CIB4: variants seen among roughly 807,000 people sequenced by gnomAD.
The protein encoded by CIB4 is calcium and integrin-binding family member 4.
A neutral mutation model predicts 25.8 loss-of-function variants in CIB4; 25 were observed. That is an observed-to-expected ratio of 0.97 (90% CI 0.71 to 1.35). The LOEUF is 1.35. Among genes scored for constraint, CIB4 ranks in the 40% most tolerant of loss-of-function variants. The probability of loss-of-function intolerance (pLI) is 0.00; values close to 1 mark genes in which losing one functional copy is unlikely to be tolerated. For missense variants in CIB4, 235 were observed against 228.2 expected (o/e 1.03, Z -0.19); for synonymous variants, 75 against 81.4 (o/e 0.92, Z 0.42).
intron 2 of CIB4, among the ~76,000 whole-genome samples, chr2:26,633,469 C>A (rs540619540): frequency 6.6e-6 from 1 of 152,086 alleles, no homozygotes; most frequent in Non-Finnish European, 1.5e-5. Flanking sequence ...CCCTAAAGGG[C>A]CCACCCTTCT....
intron 3 of CIB4, among the ~76,000 whole-genome samples, chr2:26,604,002 T>TAA (rs1213333682): frequency 2.9e-4 from 30 of 103,242 alleles, no homozygotes; most frequent in African/African-American, 9.7e-4. Flanking sequence ...GAGCATACCT[T>TAA]AAAAAAAAAA....
intron 3 of CIB4, among the ~76,000 whole-genome samples, chr2:26,617,996 AG>A (rs1669127964): frequency 6.6e-6 from 1 of 152,186 alleles, no homozygotes; most frequent in South Asian, 2.1e-4. Context: ...TACCAAGTGT[AG>A]GTTGCATCCC....
intron 2 of CIB4, among the ~76,000 whole-genome samples, chr2:26,639,945 A>G (rs1669604003): frequency 6.6e-6 from 1 of 152,072 alleles, no homozygotes; most frequent in African/African-American, 2.4e-5. Context: ...ACTCTCCCCC[A>G]CAGCCCCACG....
intron 1 of CIB4, 139 bp from the exon 2 acceptor site, chr2:26,640,706 G>A: frequency 1.2e-6 from 1 of 836,126 alleles, no homozygotes; most frequent in Non-Finnish European, 1.9e-6. Flanking sequence ...GGTTGAGGTG[G>A]ATGCCTGAGG....
rs116003174 is a variant in CIB4 at position 26,598,804 on chromosome 2, G to A, written c.187-3487C>T. On this transcript the variant is annotated intron_variant, in intron 3 of 6. Transcript: ENST00000288861. ...GAGCAGCTCCAGTCAAAGGGGCACC[G>A]ATAGTGCTGCGGGAGAGTTTCTAGG... is the stretch of plus-strand genomic sequence containing the variant. 3.3e-3 allele frequency among the ~76,000 whole-genome samples: 500 copies of A among 152,266 alleles called. 3 individuals carry two copies. The highest frequency in any genetic ancestry group is 0.011 in the African/African-American group (452 of 41,550).
intron 4 of CIB4, among the ~76,000 whole-genome samples, chr2:26,590,980 C>T (rs576311533): frequency 6.6e-6 from 1 of 152,306 alleles, no homozygotes; most frequent in Admixed American, 6.5e-5. Context: ...CTCCCCATGT[C>T]GCAGCTGAAC....
chr2:26,618,887 C>T (rs1669147396), intron 3 of CIB4, among the ~76,000 whole-genome samples: 1 of 152,168 alleles, frequency 6.6e-6, no homozygotes, highest in Admixed American at 6.5e-5. Context: ...ACCGGCCTCT[C>T]TAGGAGGGAC....
intron 2 of CIB4, among the ~76,000 whole-genome samples, chr2:26,638,995 G>T (rs902066289): frequency 2.0e-5 from 3 of 151,698 alleles, no homozygotes; most frequent in Non-Finnish European, 4.4e-5. Flanking sequence ...GTACAGAACA[G>T]TATGAAGGGA....
At chr2:26,587,452 C>T (rs186455984) in intron 4 of CIB4, among the ~76,000 whole-genome samples, 2 of 152,098 alleles carry the variant, frequency 1.3e-5, no homozygotes, top group Admixed American at 1.3e-4. Context: ...TCTTTGGCCA[C>T]CAAATTTAAT....
chr2:26,589,100 T>TC, intron 4 of CIB4, among the ~76,000 whole-genome samples: 1 of 93,622 alleles, frequency 1.1e-5, no homozygotes, highest in African/African-American at 4.7e-5. Flanking sequence ...TTCTTCTTCT[T>TC]CTTCTTCCTC....
At chr2:26,592,717 G>C (rs898364125) in intron 4 of CIB4, among the ~76,000 whole-genome samples, 2 of 152,050 alleles carry the variant, frequency 1.3e-5, no homozygotes, top group African/African-American at 4.8e-5. Context: ...TGACTCTTCT[G>C]TTATCTCAAT....
chr2:26,623,477 T>C (rs1303467824), intron 3 of CIB4: 2 of 469,478 alleles, frequency 4.3e-6, no homozygotes, highest in African/African-American at 4.0e-5. Flanking sequence ...GCCTTGGGAG[T>C]GAGTTCTTTG....
chr2:26,596,673 G>A (rs776012730), intron 3 of CIB4, among the ~76,000 whole-genome samples: 3 of 151,998 alleles, frequency 2.0e-5, no homozygotes, highest in Non-Finnish European at 4.4e-5. Flanking sequence ...CTTGAACCTG[G>A]GAGGCAGGGG....
At chr2:26,606,546 AAGG>A (rs1378112005) in intron 3 of CIB4, among the ~76,000 whole-genome samples, 2 of 152,104 alleles carry the variant, frequency 1.3e-5, no homozygotes, top group African/African-American at 4.8e-5. Context: ...TAAAAATGTG[AAGG>A]AGGAGAAGGC....
chr2:26,639,745 C>A (rs2148230535), intron 2 of CIB4, among the ~76,000 whole-genome samples: 1 of 152,210 alleles, frequency 6.6e-6, no homozygotes, highest in African/African-American at 2.4e-5. Context: ...CACCACCAGA[C>A]CCTGAGTGGG....
intron 4 of CIB4, among the ~76,000 whole-genome samples, chr2:26,585,366 G>A (rs1268482657): frequency 2.6e-5 from 4 of 152,048 alleles, no homozygotes; most frequent in Non-Finnish European, 4.4e-5. Flanking sequence ...GTGCGGGGAG[G>A]GCCTGGGTGG....
At chr2:26,636,697 T>C (rs1669539206) in intron 2 of CIB4, among the ~76,000 whole-genome samples, 1 of 152,200 alleles carries the variant, frequency 6.6e-6, no homozygotes, top group Admixed American at 6.5e-5. Flanking sequence ...AAGAGATGAT[T>C]TTTTTAATTT....
rs751994521 is a variant in CIB4, at chr2:26,589,084, T to C, written c.329-5186A>G. Among the ~76,000 whole-genome samples the C allele has an allele frequency of 1.8e-3, 161 of 91,596 alleles. 16 individuals are homozygous for C. Among genetic ancestry groups the C allele is most frequent in the African/African-American group, 6.2e-3 (102 of 16,370 alleles). The allele number at this position is 91,596 out of a possible 152,430, so 60.1% of individuals were successfully genotyped here. On this transcript the variant is annotated intron_variant, in intron 4 of 6. Transcript: ENST00000288861. ...CCTCTTCCTCTTCCTCTTCTTCTTC[T>C]TCTTCTTCTTCTTCTTCTTCTTCCT...
chr2:26,626,145 T>G (rs1669298425), intron 3 of CIB4, among the ~76,000 whole-genome samples: 1 of 152,230 alleles, frequency 6.6e-6, no homozygotes, highest in African/African-American at 2.4e-5. Flanking sequence ...AGCCTTATAG[T>G]ATAGTTAGCT....
Sources: gnomAD v4.1 joint callset for allele counts (sites outside exome capture counted in the v4.1 genomes callset) on GRCh38, gnomAD v4.1.1 for gene constraint, MANE v1.5 for transcripts, NCBI Gene and HGNC (gene_info 2026-07-23, HGNC 2026-07-21) for gene names.